RBFOX1: variants seen among roughly 807,000 people sequenced by gnomAD.
The protein encoded by RBFOX1 is RNA binding protein fox-1 homolog 1.
A neutral mutation model predicts 57.7 loss-of-function variants in RBFOX1; 8 were observed. The observed-to-expected ratio is 0.14, with a 90% CI of 0.08 to 0.25. The LOEUF (loss-of-function observed/expected upper bound fraction) is 0.25, where lower values mean the gene tolerates loss of function less well. Among genes scored for constraint, RBFOX1 ranks in the 10% least tolerant of loss-of-function variants. The pLI, the probability that RBFOX1 is intolerant of heterozygous loss-of-function variation, is 1.00. For missense variants in RBFOX1, 611 were observed against 548.5 expected, an observed-to-expected ratio of 1.11 and a Z score of -1.14; for synonymous variants, 326 against 222.4, an observed-to-expected ratio of 1.47 and a Z score of -4.15.
At chr16:6,297,214 T>A (rs966184701) in intron 1 of RBFOX1, among the ~76,000 whole-genome samples, 6 of 152,122 alleles carry the variant, frequency 3.9e-5, no homozygotes, top group African/African-American at 1.4e-4. Context: ...AGCAAGATCT[T>A]TATGACCTGT....
At chr16:6,566,717 G>C (rs900613717) in intron 2 of RBFOX1, among the ~76,000 whole-genome samples, 41 of 151,938 alleles carry the variant, frequency 2.7e-4, no homozygotes, top group Admixed American at 1.4e-3. Flanking sequence ...CATCTTTACT[G>C]TTCCTGGCAC....
At chr16:7,188,790 G>T (rs183557766) in intron 4 of RBFOX1, among the ~76,000 whole-genome samples, 1 of 152,162 alleles carries the variant, frequency 6.6e-6, no homozygotes. Context: ...CTGGTATAGG[G>T]CATGCTACGA....
chr16:6,857,151 A>G (rs549727745), intron 3 of RBFOX1, among the ~76,000 whole-genome samples: 7 of 152,298 alleles, frequency 4.6e-5, no homozygotes, highest in Admixed American at 1.3e-4. Context: ...GTGGTCAAGA[A>G]TTTTGTGATT....
At chr16:6,987,379 C>G (rs1254284660) in intron 3 of RBFOX1, among the ~76,000 whole-genome samples, 1 of 151,190 alleles carries the variant, frequency 6.6e-6, no homozygotes, top group Non-Finnish European at 1.5e-5. Flanking sequence ...TCATCACTAC[C>G]ATGGTTTCTG....
rs71147626 is a variant in RBFOX1 at position 6,918,281 on chromosome 16, C to CA, written c.-15-133761dup. On this transcript the variant is annotated intron_variant, in intron 3 of 15. Coordinates refer to ENST00000550418, the MANE Select transcript of RBFOX1 (RefSeq NM_018723.4). Reference sequence around the variant, plus strand: ...TGGGTGACAGAGCAAGACTCCATCTCAAAAAAAAAAAAAAAGGAAACACAC... The same window carrying CA: ...TGGGTGACAGAGCAAGACTCCATCTCAAAAAAAAAAAAAAAAGGAAACACAC... Among the ~76,000 whole-genome samples, 591 of 126,136 alleles carry CA rather than the reference C, an allele frequency of 4.7e-3. 1 individual carries two copies. The highest frequency in any genetic ancestry group is 0.025 in the East Asian group (104 of 4,220). The allele number at this position is 126,136 out of a possible 152,430, so 82.8% of individuals were successfully genotyped here.
intron 3 of RBFOX1, among the ~76,000 whole-genome samples, chr16:5,865,738 T>A (rs550150996): frequency 1.3e-3 from 204 of 152,298 alleles, no homozygotes; most frequent in Non-Finnish European, 2.4e-3. Context: ...TAAAACACCA[T>A]GGACTGCAGC....
chr16:6,662,823 C>T (rs896214670), intron 3 of RBFOX1, among the ~76,000 whole-genome samples: 2 of 152,194 alleles, frequency 1.3e-5, no homozygotes, highest in South Asian at 4.2e-4. Context: ...AAATACTGTT[C>T]TTTCTGCTCT....
intron 8 of RBFOX1, 54 bp from the exon 9 acceptor site, chr16:7,597,312 TAATTG>T: frequency 7.8e-7 from 1 of 1,286,396 alleles, no homozygotes. Flanking sequence ...TGCATGCAAC[TAATTG>T]AATTGGGAGC....
In RBFOX1 at chr16:6,404,878, C is replaced by A. The variant is rs193222897; in HGVS notation, c.-64+87821C>A. Among the ~76,000 whole-genome samples, 112 of 152,232 alleles carry A rather than the reference C, an allele frequency of 7.4e-4. No individual in the cohort carries two copies. The Middle Eastern group carries it at 0.014, about 18-fold the overall frequency. On this transcript the variant is annotated intron_variant, in intron 2 of 15. Coordinates refer to ENST00000550418, the MANE Select transcript of RBFOX1 (RefSeq NM_018723.4). ...TGGAATACTTAAACCTTCGTGGATC[C>A]CCGATATGGAAGGAAGAAGCCTGGC... is the stretch of plus-strand genomic sequence containing the variant.
At position 5,536,104 on chromosome 16, in the gene RBFOX1, C is replaced by A. The variant is rs539411413; in HGVS notation, c.259-62798C>A. Reference sequence around the variant, plus strand: ...GTCCCCAAGTCATCAAGCCCCCCCCCCCTTTTTTTTCTTTTTTATTTAACA... The same window carrying A: ...GTCCCCAAGTCATCAAGCCCCCCCCACCTTTTTTTTCTTTTTTATTTAACA... On this transcript the variant is annotated intron_variant, in intron 2 of 2. Transcript: ENST00000585867. Among the ~76,000 whole-genome samples, 265 of 149,464 alleles carry A rather than the reference C, an allele frequency of 1.8e-3. 1 individual carries two copies. The highest frequency in any genetic ancestry group is 3.1e-3 in the Non-Finnish European group (207 of 67,070).
chr16:5,891,404 T>A (rs2058042302), intron 4 of RBFOX1, among the ~76,000 whole-genome samples: 3 of 152,224 alleles, frequency 2.0e-5, no homozygotes, highest in Admixed American at 2.0e-4. Context: ...CAAGCCATCT[T>A]TCCTGTGCAA....
At chr16:7,241,667 G>C (rs1205294019) in intron 4 of RBFOX1, among the ~76,000 whole-genome samples, 2 of 151,950 alleles carry the variant, frequency 1.3e-5, no homozygotes, top group African/African-American at 4.8e-5. Flanking sequence ...CAGTAAGAGT[G>C]CATTACAAAA....
chr16:5,348,973 A>T (rs1380864403), intron 1 of RBFOX1, among the ~76,000 whole-genome samples: 8 of 152,140 alleles, frequency 5.3e-5, no homozygotes, highest in South Asian at 2.1e-4. Flanking sequence ...TTCTGTTTTC[A>T]ATTTTTTGAG....
At position 6,495,789 on chromosome 16, in the gene RBFOX1, T is replaced by C. The variant is rs1034565786; in HGVS notation, c.-63-158814T>C. ...TTTGGTGTGGCCCAAATCTCTCCTA[T>C]GGCAAACTCAACACCCCTCACTCCT... On this transcript the variant is annotated intron_variant, in intron 2 of 15. Coordinates refer to ENST00000550418, the MANE Select transcript of RBFOX1 (RefSeq NM_018723.4). 3.9e-5 allele frequency among the ~76,000 whole-genome samples: 6 copies of C among 152,318 alleles called. 1 individual carries two copies. Among genetic ancestry groups the C allele is most frequent in the Admixed American group, 6.5e-5 (1 of 15,304 alleles).
At chr16:5,963,480 A>T (rs561236900) in intron 4 of RBFOX1, among the ~76,000 whole-genome samples, 3 of 152,378 alleles carry the variant, frequency 2.0e-5, no homozygotes, top group African/African-American at 7.2e-5. Context: ...ATGAAGCTGG[A>T]GGTATCACAC....
chr16:5,334,216 C>T (rs556723803), intron 1 of RBFOX1, among the ~76,000 whole-genome samples: 2 of 152,248 alleles, frequency 1.3e-5, no homozygotes, highest in Non-Finnish European at 2.9e-5. Context: ...TCTCTCCGGC[C>T]AGAGGAGAGG....
chr16:6,767,929 T>G lies in RBFOX1; in HGVS notation c.-16+113279T>G, dbSNP rs922131220. Among the ~76,000 whole-genome samples the G allele has an allele frequency of 5.2e-3, 458 of 88,366 alleles. 4 individuals are homozygous for G. The highest frequency in any genetic ancestry group is 0.026 in the African/African-American group (428 of 16,636). 58.0% of individuals were successfully genotyped at this position (88,366 alleles called of 152,430 possible). A position where few individuals can be genotyped will look rare whatever the true frequency, so the allele number is the denominator to read the frequency against. ...GACTCTATCTCAATAATAATAATAA[T>G]AATAATAATAATAATAATAAGAAGA... On this transcript the variant is annotated intron_variant, in intron 3 of 15. Transcript: ENST00000550418.
At chr16:6,095,532 C>G (rs1377643463) in intron 1 of RBFOX1, among the ~76,000 whole-genome samples, 3 of 152,104 alleles carry the variant, frequency 2.0e-5, no homozygotes, top group Non-Finnish European at 2.9e-5. Context: ...GTAGGCAGAA[C>G]TGGAAGCAAG....
At position 6,636,670 on chromosome 16, in the gene RBFOX1, C is replaced by G. The variant is rs557106532; in HGVS notation, c.-63-17933C>G. 4.7e-5 allele frequency among the ~76,000 whole-genome samples: 7 copies of G among 149,614 alleles called. 1 individual carries two copies. In the South Asian group the frequency reaches 1.5e-3, roughly 31 times the overall value. On this transcript the variant is annotated intron_variant, in intron 2 of 15. Transcript: ENST00000550418. ...ATTGCGAAATGCCTCAACCGAGCTACATCACATAAACATTTATATTCTATT... is the reference window on the plus strand; with the variant it reads ...ATTGCGAAATGCCTCAACCGAGCTAGATCACATAAACATTTATATTCTATT...
Sources: gnomAD v4.1 joint callset for allele counts (sites outside exome capture counted in the v4.1 genomes callset) on GRCh38, gnomAD v4.1.1 for gene constraint, MANE v1.5 for transcripts, NCBI Gene and HGNC (gene_info 2026-07-23, HGNC 2026-07-21) for gene names.